Variants in ROBO1 observed in about 807,000 individuals in gnomAD.
The protein encoded by ROBO1 is roundabout homolog 1.
A neutral mutation model predicts 195.9 loss-of-function variants in ROBO1; 149 were observed. The ratio of observed to expected loss-of-function variants is 0.76; its 90% CI spans 0.67 to 0.87. ROBO1 has a LOEUF of 0.87. Among genes scored for constraint, ROBO1 ranks in the 40% least tolerant of loss-of-function variants. The probability of loss-of-function intolerance (pLI) is 0.00; values close to 1 mark genes in which losing one functional copy is unlikely to be tolerated. For missense variants in ROBO1, 1,933 were observed against 2,068.3 expected (o/e 0.93, Z 1.27); for synonymous variants, 816 against 733.2 (o/e 1.11, Z -1.82).
intron 2 of ROBO1, among the ~76,000 whole-genome samples, chr3:79,138,350 G>A (rs2080456933): frequency 1.3e-5 from 2 of 152,002 alleles, no homozygotes; most frequent in Admixed American, 1.3e-4. Flanking sequence ...GGAATGAAGA[G>A]TTTAAGATGG....
chr3:79,628,804 G>A (rs1200130345), intron 1 of ROBO1, among the ~76,000 whole-genome samples: 2 of 152,070 alleles, frequency 1.3e-5, no homozygotes, highest in Admixed American at 6.6e-5. Context: ...GGTTTGGAAA[G>A]AGATATACCA....
chr3:79,485,223 T>C (rs1283747919), intron 2 of ROBO1, among the ~76,000 whole-genome samples: 1 of 152,110 alleles, frequency 6.6e-6, no homozygotes, highest in Non-Finnish European at 1.5e-5. Context: ...TTGGATAAAA[T>C]AAGACATTTT....
intron 2 of ROBO1, among the ~76,000 whole-genome samples, chr3:79,194,782 C>T (rs1305443394): frequency 2.6e-5 from 4 of 151,476 alleles, no homozygotes; most frequent in South Asian, 4.1e-4. Flanking sequence ...GACTGGTTGC[C>T]ATTCAAGTAA....
intron 2 of ROBO1, among the ~76,000 whole-genome samples, chr3:79,245,596 A>T (rs540922385): frequency 1.3e-5 from 2 of 152,144 alleles, no homozygotes; most frequent in South Asian, 4.1e-4. Context: ...CAGTTAAAAA[A>T]AAATAAATCA....
At chr3:79,365,395 C>G (rs760587039) in intron 2 of ROBO1, among the ~76,000 whole-genome samples, 56 of 152,144 alleles carry the variant, frequency 3.7e-4, no homozygotes, top group Non-Finnish European at 6.9e-4. Flanking sequence ...CAGACAAATG[C>G]ATTTCTATCA....
intron 3 of ROBO1, among the ~76,000 whole-genome samples, chr3:79,059,285 G>A (rs1289130409): frequency 6.6e-6 from 1 of 152,054 alleles, no homozygotes; most frequent in Non-Finnish European, 1.5e-5. Context: ...TATCCATTGT[G>A]CTTGGAGCTG....
intron 1 of ROBO1, among the ~76,000 whole-genome samples, chr3:79,640,497 T>C (rs1299499360): frequency 1.3e-5 from 2 of 152,072 alleles, no homozygotes; most frequent in African/African-American, 4.8e-5. Context: ...ACACTGCCCA[T>C]GAATTTTTTG....
intron 4 of ROBO1, among the ~76,000 whole-genome samples, chr3:78,870,167 C>T (rs780059873): frequency 6.6e-6 from 1 of 152,128 alleles, no homozygotes; most frequent in Non-Finnish European, 1.5e-5. Flanking sequence ...TTTTCATCTG[C>T]ACCAAATCTG....
At chr3:78,739,500 A>G (rs1167664510) in intron 5 of ROBO1, among the ~76,000 whole-genome samples, 1 of 152,168 alleles carries the variant, frequency 6.6e-6, no homozygotes, top group African/African-American at 2.4e-5. Context: ...CTGATTTATA[A>G]TATCCTTTTC....
At chr3:78,935,763 A>C (rs2039771844) in intron 4 of ROBO1, among the ~76,000 whole-genome samples, 1 of 152,086 alleles carries the variant, frequency 6.6e-6, no homozygotes, top group East Asian at 1.9e-4. Flanking sequence ...ATTGGTTTGC[A>C]AAGAAAAATA....
Position 78,670,134 on chromosome 3 carries a change from GT to G in ROBO1, c.1509del (p.Lys503AsnfsTer57). On this transcript the variant is annotated frameshift_variant, in exon 11 of 31. Transcript: ENST00000464233. LOFTEE classifies it high-confidence loss of function. The stretch of plus-strand genomic sequence containing the variant: ...ATCTGCAGTACTCCATTCTCCAACT[GT>G]TTGATTCGAGAGTCTTGGGTTGAAA... ...VLVSTQDSRI[K>X]QLENGVLQIR... The G allele has an allele frequency of 6.2e-7, 1 of 1,613,520 alleles. No individual in the cohort carries two copies. Among genetic ancestry groups the G allele is most frequent in the Non-Finnish European group, 8.5e-7 (1 of 1,179,692 alleles).
intron 2 of ROBO1, among the ~76,000 whole-genome samples, chr3:79,278,882 C>T (rs2031280506): frequency 6.6e-6 from 1 of 151,984 alleles, no homozygotes; most frequent in Non-Finnish European, 1.5e-5. Flanking sequence ...CATAGGAAAC[C>T]ACCAACATAG....
intron 3 of ROBO1, among the ~76,000 whole-genome samples, chr3:78,941,975 G>A (rs553467608): frequency 4.1e-4 from 62 of 152,194 alleles, no homozygotes; most frequent in African/African-American, 1.4e-3. Flanking sequence ...GAGCTAAGAA[G>A]GAATTAGTGA....
intron 1 of ROBO1, among the ~76,000 whole-genome samples, chr3:79,762,269 C>T (rs1217430479): frequency 6.6e-6 from 1 of 152,064 alleles, no homozygotes; most frequent in Non-Finnish European, 1.5e-5. Flanking sequence ...GGCAAGAGAG[C>T]TTACTCAGAC....
intron 2 of ROBO1, among the ~76,000 whole-genome samples, chr3:79,549,550 T>A (rs1483570399): frequency 2.0e-5 from 3 of 152,152 alleles, no homozygotes; most frequent in African/African-American, 7.2e-5. Flanking sequence ...CCTGTCATTA[T>A]CCCAAAAGAA....
intron 8 of ROBO1, among the ~76,000 whole-genome samples, chr3:78,702,910 AC>A (rs745861273): frequency 3.3e-5 from 5 of 152,162 alleles, no homozygotes; most frequent in Non-Finnish European, 7.3e-5. Context: ...TATTTCTTGT[AC>A]CTGACTGCTC....
intron 5 of ROBO1, among the ~76,000 whole-genome samples, chr3:78,734,757 G>A (rs1417446753): frequency 2.6e-5 from 4 of 152,088 alleles, no homozygotes; most frequent in Non-Finnish European, 5.9e-5. Flanking sequence ...GTTCATTATA[G>A]TACTTAGATG....
intron 5 of ROBO1, among the ~76,000 whole-genome samples, chr3:78,737,876 A>G (rs1279149469): frequency 6.6e-6 from 1 of 152,182 alleles, no homozygotes; most frequent in Non-Finnish European, 1.5e-5. Context: ...AAAAAAATCT[A>G]TTTCAGGTTT....
At chr3:78,784,431 G>C (rs1382717287) in intron 4 of ROBO1, among the ~76,000 whole-genome samples, 1 of 152,116 alleles carries the variant, frequency 6.6e-6, no homozygotes, top group Admixed American at 6.6e-5. Flanking sequence ...GTTCCATTGG[G>C]TATCAGTTCA....
Sources: allele counts gnomAD v4.1 joint callset (sites outside exome capture counted in the v4.1 genomes callset), GRCh38; gene constraint gnomAD v4.1.1; transcripts MANE v1.5; gene names NCBI Gene and HGNC (gene_info 2026-07-23, HGNC 2026-07-21).